Variants in PDE3A observed in about 807,000 individuals in gnomAD.
PDE3A encodes phosphodiesterase 3A, also known as cGMP-inhibited 3',5'-cyclic phosphodiesterase 3A.
In PDE3A, 43 loss-of-function variants were observed where a neutral mutation model predicts 98.3. The observed-to-expected ratio is 0.44, with a 90% CI of 0.34 to 0.56. The LOEUF (loss-of-function observed/expected upper bound fraction) is 0.56, where lower values mean the gene tolerates loss of function less well. Among genes scored for constraint, PDE3A ranks in the 20% least tolerant of loss-of-function variants. The pLI, the probability that PDE3A is intolerant of heterozygous loss-of-function variation, is 0.01. For synonymous variants in PDE3A, 663 were observed against 567.9 expected, an observed-to-expected ratio of 1.17 and a Z score of -2.38; for missense variants, 1,427 against 1,440.7, an observed-to-expected ratio of 0.99 and a Z score of 0.15.
chr12:20,517,654 C>G (rs1463172170), intron 1 of PDE3A, among the ~76,000 whole-genome samples: 5 of 152,118 alleles, frequency 3.3e-5, no homozygotes, highest in Admixed American at 3.3e-4. Context: ...GTAAAAATCA[C>G]TGAAGTGGGA....
chr12:20,539,896 G>A (rs1941850086), intron 1 of PDE3A, among the ~76,000 whole-genome samples: 1 of 5,214 alleles, frequency 1.9e-4, no homozygotes, highest in African/African-American at 3.2e-4. Flanking sequence ...GAAGTAGGTA[G>A]TCTTATTATT....
chr12:20,453,423 G>A (rs1455550847), intron 1 of PDE3A, among the ~76,000 whole-genome samples: 1 of 151,856 alleles, frequency 6.6e-6, no homozygotes, highest in African/African-American at 2.4e-5. Context: ...CAGGTGATCT[G>A]CCCACCTTGG....
At chr12:20,424,563 G>A (rs1198743726) in intron 1 of PDE3A, among the ~76,000 whole-genome samples, 2 of 152,072 alleles carry the variant, frequency 1.3e-5, no homozygotes, top group African/African-American at 4.8e-5. Context: ...AAAATGATGT[G>A]GTCCTATTTA....
At chr12:20,420,308 C>G (rs538790923) in intron 1 of PDE3A, among the ~76,000 whole-genome samples, 2 of 152,192 alleles carry the variant, frequency 1.3e-5, no homozygotes, top group East Asian at 3.9e-4. Flanking sequence ...CAGTGTGACT[C>G]TTACCTATAA....
chr12:20,631,698 G>GTTTTTT (rs146405398), intron 6 of PDE3A, among the ~76,000 whole-genome samples: 7 of 44,344 alleles, frequency 1.6e-4, no homozygotes, highest in Admixed American at 6.7e-4. Context: ...TCATCATAGT[G>GTTTTTT]TATTTTTTTT....
chr12:20,561,538 C>T (rs373974863), intron 2 of PDE3A, among the ~76,000 whole-genome samples: 91 of 152,096 alleles, frequency 6.0e-4, no homozygotes, highest in African/African-American at 2.2e-3. Context: ...TACTTTGATT[C>T]GCAAAACATG....
chr12:20,585,552 G>A (rs1943172213), intron 2 of PDE3A, among the ~76,000 whole-genome samples: 1 of 152,178 alleles, frequency 6.6e-6, no homozygotes, highest in Non-Finnish European at 1.5e-5. Context: ...CCAACTGAGA[G>A]ACCTTTAGTA....
intron 1 of PDE3A, among the ~76,000 whole-genome samples, chr12:20,384,177 G>A (rs1326800513): frequency 7.9e-6 from 1 of 126,408 alleles, no homozygotes; most frequent in Non-Finnish European, 1.6e-5. Context: ...TATCTGATTG[G>A]GTTGACATTT....
intron 1 of PDE3A, chr12:20,449,955 A>G: frequency 1.3e-6 from 1 of 767,338 alleles, no homozygotes; most frequent in Non-Finnish European, 2.1e-6. Flanking sequence ...AGGCCCCCTT[A>G]TATGGAGGGT....
intron 1 of PDE3A, among the ~76,000 whole-genome samples, chr12:20,506,386 T>A (rs1473529295): frequency 6.6e-6 from 1 of 151,996 alleles, no homozygotes; most frequent in Non-Finnish European, 1.5e-5. Context: ...AATTTTGAAA[T>A]TTTTTTCTGC....
chr12:20,417,101 T>C (rs1272213957), intron 1 of PDE3A, among the ~76,000 whole-genome samples: 2 of 152,212 alleles, frequency 1.3e-5, no homozygotes, highest in African/African-American at 4.8e-5. Flanking sequence ...ATTCATGCTA[T>C]AATGTGGACA....
chr12:20,489,968 A>G (rs1945801604), intron 1 of PDE3A, among the ~76,000 whole-genome samples: 1 of 152,174 alleles, frequency 6.6e-6, no homozygotes, highest in African/African-American at 2.4e-5. Flanking sequence ...CCTTGGTAAG[A>G]GAGTTGGATT....
intron 2 of PDE3A, among the ~76,000 whole-genome samples, chr12:20,612,331 T>C (rs1943879039): frequency 6.6e-6 from 1 of 151,708 alleles, no homozygotes; most frequent in African/African-American, 2.4e-5. Context: ...AGTGATTTTT[T>C]AGAAGCTCTC....
At chr12:20,666,963 C>G (rs976252171) in intron 15 of PDE3A, among the ~76,000 whole-genome samples, 1 of 152,104 alleles carries the variant, frequency 6.6e-6, no homozygotes, top group African/African-American at 2.4e-5. Context: ...TTAGTAATAG[C>G]CATTCTAACT....
chr12:20,562,897 T>C (rs992865857), intron 2 of PDE3A, among the ~76,000 whole-genome samples: 1 of 152,164 alleles, frequency 6.6e-6, no homozygotes, highest in African/African-American at 2.4e-5. Context: ...GTGTGTAAAA[T>C]ACTGGAAGAT....
chr12:20,412,573 G>A (rs1331242876), intron 1 of PDE3A, among the ~76,000 whole-genome samples: 1 of 152,106 alleles, frequency 6.6e-6, no homozygotes, highest in Non-Finnish European at 1.5e-5. Context: ...ACCCACCTAA[G>A]TCAATAATAT....
chr12:20,533,789 A>T (rs1291240829), intron 1 of PDE3A, among the ~76,000 whole-genome samples: 1 of 150,010 alleles, frequency 6.7e-6, no homozygotes, highest in East Asian at 1.9e-4. Flanking sequence ...CCCGGCCCCC[A>T]CTTTCTTACA....
At chr12:20,526,612 T>G in intron 1 of PDE3A, among the ~76,000 whole-genome samples, 1 of 152,140 alleles carries the variant, frequency 6.6e-6, no homozygotes, top group Non-Finnish European at 1.5e-5. Context: ...TAGCAAGGCA[T>G]GTGGTATTTG....
At chr12:20,478,885 TG>T (rs1051660975) in intron 1 of PDE3A, among the ~76,000 whole-genome samples, 1 of 152,204 alleles carries the variant, frequency 6.6e-6, no homozygotes, top group African/African-American at 2.4e-5. Flanking sequence ...CCTAGATTTT[TG>T]GATAGTTGAA....
Sources: gnomAD v4.1 joint callset for allele counts (sites outside exome capture counted in the v4.1 genomes callset) on GRCh38, gnomAD v4.1.1 for gene constraint, MANE v1.5 for transcripts, NCBI Gene and HGNC (gene_info 2026-07-23, HGNC 2026-07-21) for gene names.